Variants in ZC2HC1A observed in about 807,000 individuals in gnomAD.
The protein encoded by ZC2HC1A is zinc finger C2HC-type containing 1A.
In ZC2HC1A, 28 loss-of-function variants were observed where a neutral mutation model predicts 40.7. The observed-to-expected ratio is 0.69, with a 90% confidence interval of 0.51 to 0.94. The LOEUF (loss-of-function observed/expected upper bound fraction) is 0.94, where lower values mean the gene tolerates loss of function less well. Among genes scored for constraint, ZC2HC1A ranks in the 40% least tolerant of loss-of-function variants. The pLI, the probability that ZC2HC1A is intolerant of heterozygous loss-of-function variation, is 0.00. For synonymous variants in ZC2HC1A, 129 were observed against 129.2 expected, an observed-to-expected ratio of 1.00 and a Z score of 0.01; for missense variants, 389 against 386.3, an observed-to-expected ratio of 1.01 and a Z score of -0.06.
intron 1 of ZC2HC1A, among the ~76,000 whole-genome samples, chr8:78,666,579 C>T (rs940018064): frequency 6.6e-6 from 1 of 152,198 alleles, no homozygotes; most frequent in African/African-American, 2.4e-5. Flanking sequence ...TGTGCTGCAG[C>T]CCCGGGGTGT....
At chr8:78,689,450 A>G (rs1308710501) in intron 5 of ZC2HC1A, 77 bp downstream of exon 5, 2 of 1,367,788 alleles carry the variant, frequency 1.5e-6, no homozygotes, top group Non-Finnish European at 1.9e-6. Context: ...TATGCTTTTC[A>G]TGACATTAGA....
At chr8:78,680,448 A>G (rs942850065) in intron 3 of ZC2HC1A, among the ~76,000 whole-genome samples, 4 of 152,258 alleles carry the variant, frequency 2.6e-5, no homozygotes, top group South Asian at 4.1e-4. Flanking sequence ...CCTCCCAAAC[A>G]TACTGAATTA....
rs148975225 is a variant in ZC2HC1A, at chr8:78,704,828, G to A, written c.704+6315G>A. Among the ~76,000 whole-genome samples the A allele has an allele frequency of 4.1e-3, 616 of 151,944 alleles. 3 individuals are homozygous for A. Among genetic ancestry groups the A allele is most frequent in the African/African-American group, 0.014 (565 of 41,408 alleles). ...CCTTTTTTTCTCTATTCTTGTCAGC[G>A]TGTCTTATTTCAGAAAGCCAGTCTT... On this transcript the variant is annotated intron_variant, in intron 7 of 8. Coordinates refer to ENST00000263849, the MANE Select transcript of ZC2HC1A (RefSeq NM_016010.3).
intron 2 of ZC2HC1A, among the ~76,000 whole-genome samples, chr8:78,677,706 AC>A (rs1809627935): frequency 6.6e-6 from 1 of 151,808 alleles, no homozygotes; most frequent in African/African-American, 2.4e-5. Flanking sequence ...TCTTAGTGTT[AC>A]AGGGCAGATA....
At chr8:78,667,314 T>C (rs573644794) in intron 1 of ZC2HC1A, among the ~76,000 whole-genome samples, 3 of 152,322 alleles carry the variant, frequency 2.0e-5, no homozygotes, top group African/African-American at 7.2e-5. Context: ...TATGGCCTAA[T>C]GAAGGTCTTG....
chr8:78,708,776 A>T (rs11783024), intron 7 of ZC2HC1A, among the ~76,000 whole-genome samples: 1 of 151,078 alleles, frequency 6.6e-6, no homozygotes, highest in Non-Finnish European at 1.5e-5. Context: ...CGCCTCCTGG[A>T]TTCAAGTGAT....
In ZC2HC1A at chr8:78,674,791, T is replaced by C. The variant is rs546124145; in HGVS notation, c.17-996T>C. 2.0e-5 allele frequency among the ~76,000 whole-genome samples: 3 copies of C among 152,288 alleles called. No homozygotes were observed. The South Asian group carries it at 6.2e-4, about 32-fold the overall frequency. On this transcript the variant is annotated intron_variant, in intron 1 of 8. Coordinates refer to ENST00000263849, the MANE Select transcript of ZC2HC1A (RefSeq NM_016010.3). ...TTTAGTTCTCTGTGAACTCACTAAA[T>C]GTCTTGGATCAGGTTATATGGAGTT...
chr8:78,708,743 C>T (rs371359899), intron 7 of ZC2HC1A, among the ~76,000 whole-genome samples: 70 of 146,398 alleles, frequency 4.8e-4, no homozygotes, highest in Middle Eastern at 7.3e-3. Flanking sequence ...TGCAATGGTG[C>T]GATCTTGGCT....
At chr8:78,691,488 A>C (rs1053347855) in intron 5 of ZC2HC1A, among the ~76,000 whole-genome samples, 2 of 151,990 alleles carry the variant, frequency 1.3e-5, no homozygotes, top group African/African-American at 4.8e-5. Flanking sequence ...TTGCATTGCT[A>C]TAATTGGTTT....
chr8:78,702,286 T>A (rs1343023048), intron 7 of ZC2HC1A, among the ~76,000 whole-genome samples: 1 of 152,142 alleles, frequency 6.6e-6, no homozygotes, highest in Non-Finnish European at 1.5e-5. Flanking sequence ...CTGTGATGAC[T>A]TGTATTTCTA....
chr8:78,715,435 A>T, intron 8 of ZC2HC1A, 107 bp downstream of exon 8: 2 of 1,047,628 alleles, frequency 1.9e-6, no homozygotes, highest in Middle Eastern at 2.3e-4. Context: ...AGAAAACCTG[A>T]TTTTTTTCTT....
At chr8:78,683,056 A>T (rs1307060612) in intron 3 of ZC2HC1A, among the ~76,000 whole-genome samples, 3 of 152,130 alleles carry the variant, frequency 2.0e-5, no homozygotes, top group Middle Eastern at 3.2e-3. Context: ...GGGCAGCTCT[A>T]CCCCTTTGTC....
intron 7 of ZC2HC1A, among the ~76,000 whole-genome samples, chr8:78,708,638 A>G (rs933169688): frequency 1.3e-5 from 2 of 151,930 alleles, no homozygotes; most frequent in African/African-American, 4.8e-5. Context: ...ACACCCAAGT[A>G]GAAAGTTTTT....
At chr8:78,693,048 A>G (rs893135117) in intron 5 of ZC2HC1A, among the ~76,000 whole-genome samples, 6 of 151,950 alleles carry the variant, frequency 3.9e-5, no homozygotes, top group Admixed American at 6.5e-5. Context: ...ATGTCCCTAC[A>G]AAGGACATGA....
intron 7 of ZC2HC1A, among the ~76,000 whole-genome samples, chr8:78,706,089 A>G (rs965051903): frequency 3.3e-5 from 5 of 151,718 alleles, no homozygotes; most frequent in Non-Finnish European, 7.4e-5. Context: ...GTTGGTTTGT[A>G]CTCTCCAAAG....
intron 5 of ZC2HC1A, among the ~76,000 whole-genome samples, chr8:78,693,574 G>A (rs906525455): frequency 5.9e-5 from 9 of 151,926 alleles, no homozygotes; most frequent in Admixed American, 3.3e-4. Context: ...CTTTTTGATG[G>A]GGTTGTTTGT....
intron 8 of ZC2HC1A, 61 bp from the exon 9 acceptor site, chr8:78,717,267 G>A (rs944612541): frequency 2.0e-6 from 3 of 1,482,452 alleles, no homozygotes; most frequent in African/African-American, 2.8e-5. Flanking sequence ...TTTCTCCAGG[G>A]TTATGGGTTG....
At chr8:78,668,998 T>G (rs748794432) in intron 1 of ZC2HC1A, among the ~76,000 whole-genome samples, 7 of 152,198 alleles carry the variant, frequency 4.6e-5, no homozygotes, top group Non-Finnish European at 1.0e-4. Flanking sequence ...ATCTTAGTAC[T>G]GCCCTCTAAA....
intron 3 of ZC2HC1A, 21 bp downstream of exon 3, chr8:78,678,700 A>G (rs1295048757): frequency 6.5e-7 from 1 of 1,550,040 alleles, no homozygotes; most frequent in South Asian, 1.2e-5. Flanking sequence ...AACCTTTTGA[A>G]CAGTATGAAC....
Sources: gnomAD v4.1 joint callset for allele counts (sites outside exome capture counted in the v4.1 genomes callset) on GRCh38, gnomAD v4.1.1 for gene constraint, MANE v1.5 for transcripts, NCBI Gene and HGNC (gene_info 2026-07-23, HGNC 2026-07-21) for gene names.